The following LRRC49 variants were observed in gnomAD, a reference collection of about 807,000 sequenced individuals.
LRRC49 encodes leucine-rich repeat-containing protein 49.
Under a neutral mutation model 83.3 loss-of-function variants are expected in LRRC49, and 50 were observed. That is an observed-to-expected ratio of 0.60 (90% CI 0.48 to 0.76). LRRC49 has a LOEUF of 0.76. Ranked by LOEUF, LRRC49 falls within the 30% of genes least tolerant of loss-of-function variation. The pLI is 0.00. For synonymous variants in LRRC49, 286 were observed against 283.3 expected, an observed-to-expected ratio of 1.01 and a Z score of -0.10; for missense variants, 704 against 809.1, an observed-to-expected ratio of 0.87 and a Z score of 1.58.
Position 71,052,609 on chromosome 15 carries a change from A to T in LRRC49, c.*2997A>T, listed in dbSNP as rs747603535. On this transcript the variant is annotated 3_prime_UTR_variant, in exon 16 of 16. Transcript: ENST00000260382. ...ACTGGGATTCATATTCTCTTCAATGAGTAATCATCATAACAACAAAGATTC... is the reference window on the plus strand; with the variant it reads ...ACTGGGATTCATATTCTCTTCAATGTGTAATCATCATAACAACAAAGATTC... 5 of 152,242 alleles carry T rather than the reference A, an allele frequency of 3.3e-5. No homozygotes were observed. Among genetic ancestry groups the T allele is most frequent in the Admixed American group, 1.3e-4 (2 of 15,280 alleles). The allele number at this position is 152,242 out of a possible 1,614,324, so 9.4% of individuals were successfully genotyped here. A position where few individuals can be genotyped will look rare whatever the true frequency, so the allele number is the denominator to read the frequency against.
chr15:70,961,761 A>G (rs2036608632), intron 8 of LRRC49, among the ~76,000 whole-genome samples: 1 of 152,236 alleles, frequency 6.6e-6, no homozygotes, highest in African/African-American at 2.4e-5. Context: ...GAGAAGATCA[A>G]ATGGCTAAAG....
rs180772407 is a variant in LRRC49 at position 71,006,464 on chromosome 15, G to A, written c.1170-1915G>A. Reference sequence around the variant, plus strand: ...TACTGTGGCCATCAGGCGTCCCTATGTGGGTAAACCTTCTTGCTAAACCTG... The same window carrying A: ...TACTGTGGCCATCAGGCGTCCCTATATGGGTAAACCTTCTTGCTAAACCTG... On this transcript the variant is annotated intron_variant, in intron 11 of 15. Coordinates refer to ENST00000260382, the MANE Select transcript of LRRC49 (RefSeq NM_017691.5). Among the ~76,000 whole-genome samples, 6 of 152,198 alleles carry A rather than the reference G, an allele frequency of 3.9e-5. No homozygotes were observed. In the East Asian group the frequency reaches 1.2e-3, roughly 29 times the overall value.
Position 70,898,244 on chromosome 15 carries a change from A to G in LRRC49, c.193+2308A>G, listed in dbSNP as rs915005202. On this transcript the variant is annotated intron_variant, in intron 3 of 15. Transcript: ENST00000260382. ...AATTTAGACCATTATACTTCTTAACACTTTGAGATGCTATTTGTATTGAGA... is the reference window on the plus strand; with the variant it reads ...AATTTAGACCATTATACTTCTTAACGCTTTGAGATGCTATTTGTATTGAGA... 4 of 589,984 alleles carry G rather than the reference A, an allele frequency of 6.8e-6. No homozygotes were observed. In the East Asian group the frequency reaches 1.1e-4, roughly 17 times the overall value. 36.5% of individuals were successfully genotyped at this position (589,984 alleles called of 1,614,324 possible). A position where few individuals can be genotyped will look rare whatever the true frequency, so the allele number is the denominator to read the frequency against.
chr15:70,860,199 C>A (rs368311827), intron 1 of LRRC49: 2 of 633,418 alleles, frequency 3.2e-6, no homozygotes, highest in South Asian at 3.5e-5. Flanking sequence ...ACCCCTCCTG[C>A]GGCTGCCCCA....
At chr15:71,036,949 G>A (rs1049589870) in intron 14 of LRRC49, among the ~76,000 whole-genome samples, 4 of 152,076 alleles carry the variant, frequency 2.6e-5, no homozygotes, top group African/African-American at 9.7e-5. Context: ...AAATGTTTGA[G>A]ACGTATTTTC....
intron 7 of LRRC49, among the ~76,000 whole-genome samples, chr15:70,925,819 T>G (rs2035175318): frequency 2.0e-5 from 3 of 152,208 alleles, no homozygotes; most frequent in Non-Finnish European, 4.4e-5. Context: ...CATACTTTAT[T>G]GAGGGATAAT....
chr15:70,907,070 G>T (rs748174993), intron 5 of LRRC49, among the ~76,000 whole-genome samples: 1 of 152,216 alleles, frequency 6.6e-6, no homozygotes, highest in Non-Finnish European at 1.5e-5. Context: ...ACAGCAAGGG[G>T]CCTGTGAGCT....
intron 9 of LRRC49, among the ~76,000 whole-genome samples, chr15:70,965,885 G>A (rs1188383538): frequency 1.3e-5 from 2 of 151,922 alleles, no homozygotes; most frequent in Non-Finnish European, 2.9e-5. Context: ...AGTAACTTTA[G>A]TGTGGAAGCT....
chr15:70,859,964 G>C (rs1231556700), intron 1 of LRRC49: 1 of 762,660 alleles, frequency 1.3e-6, no homozygotes, highest in Non-Finnish European at 2.4e-6. Flanking sequence ...GACCACCAGC[G>C]GCTATGCAGG....
chr15:70,872,719 G>A (rs1249732763), intron 1 of LRRC49, among the ~76,000 whole-genome samples: 1 of 152,050 alleles, frequency 6.6e-6, no homozygotes, highest in Non-Finnish European at 1.5e-5. Flanking sequence ...GACCAGACAA[G>A]TTCCATAGGC....
At chr15:70,868,971 A>T (rs898797505) in intron 1 of LRRC49, among the ~76,000 whole-genome samples, 1 of 152,248 alleles carries the variant, frequency 6.6e-6, no homozygotes, top group African/African-American at 2.4e-5. Flanking sequence ...AAGCACAAAG[A>T]TTAAAGTATA....
At chr15:70,882,712 T>A (rs375706115) in intron 2 of LRRC49, 2 of 1,612,656 alleles carry the variant, frequency 1.2e-6, no homozygotes, top group African/African-American at 2.7e-5. Context: ...ATCTTTAATA[T>A]ACGAAAGATC....
Position 70,858,405 on chromosome 15 carries a change from C to T in LRRC49, c.-299+4936C>T, listed in dbSNP as rs377525773. On this transcript the variant is annotated intron_variant, in intron 1 of 16. Transcript: ENST00000544974. ...TCACTCGAGGTCAGGAGTTCGAGAC[C>T]AGCCTGGCCAACATGGCGAAACCCT... Among the ~76,000 whole-genome samples, 34 of 152,294 alleles carry T rather than the reference C, an allele frequency of 2.2e-4. No individual in the cohort carries two copies. The East Asian group carries it at 5.8e-3, about 26-fold the overall frequency.
intron 11 of LRRC49, among the ~76,000 whole-genome samples, chr15:70,990,416 G>A (rs555635915): frequency 4.6e-5 from 7 of 152,236 alleles, no homozygotes; most frequent in South Asian, 2.1e-4. Flanking sequence ...GTGAGACTCC[G>A]TGGGCATAGG....
intron 11 of LRRC49, among the ~76,000 whole-genome samples, chr15:70,992,819 A>G (rs1022739830): frequency 3.3e-5 from 5 of 151,986 alleles, no homozygotes; most frequent in South Asian, 4.1e-4. Context: ...CAGTTAGGCT[A>G]CTCGGGGGTC....
chr15:70,865,094 G>T (rs2032882049), intron 1 of LRRC49, among the ~76,000 whole-genome samples: 1 of 152,024 alleles, frequency 6.6e-6, no homozygotes, highest in Non-Finnish European at 1.5e-5. Flanking sequence ...CTTGAACTTG[G>T]GTCCTTCAGC....
At chr15:71,019,887 TA>T (rs1228905333) in intron 14 of LRRC49, among the ~76,000 whole-genome samples, 1 of 152,176 alleles carries the variant, frequency 6.6e-6, no homozygotes, top group Non-Finnish European at 1.5e-5. Context: ...GGCTAATTTT[TA>T]AGGGCAATTA....
At chr15:71,011,214 G>T (rs113191666) in intron 13 of LRRC49, among the ~76,000 whole-genome samples, 12 of 152,192 alleles carry the variant, frequency 7.9e-5, no homozygotes, top group African/African-American at 2.6e-4. Flanking sequence ...TCCCTGGAAG[G>T]ACCTAATAAT....
chr15:70,890,540 A>C (rs1014678841), upstream of LRRC49, among the ~76,000 whole-genome samples: 1 of 152,238 alleles, frequency 6.6e-6, no homozygotes, highest in Non-Finnish European at 1.5e-5. Flanking sequence ...TGGAGCTTAC[A>C]TTCTAATATG....
Sources: gnomAD v4.1 joint callset for allele counts (sites outside exome capture counted in the v4.1 genomes callset) on GRCh38, gnomAD v4.1.1 for gene constraint, MANE v1.5 for transcripts, NCBI Gene and HGNC (gene_info 2026-07-23, HGNC 2026-07-21) for gene names.